Variants in CTNNBL1 observed in about 807,000 individuals in gnomAD.
CTNNBL1 encodes beta-catenin-like protein 1.
A neutral mutation model predicts 72.7 loss-of-function variants in CTNNBL1; 31 were observed. That is an observed-to-expected ratio of 0.43 (90% CI 0.32 to 0.58). CTNNBL1 has a LOEUF of 0.58. Ranked by LOEUF, CTNNBL1 falls within the 20% of genes least tolerant of loss-of-function variation. CTNNBL1 has a pLI of 0.08. For missense variants in CTNNBL1, 534 were observed against 725.1 expected, an observed-to-expected ratio of 0.74 and a Z score of 3.03; for synonymous variants, 240 against 267.3, an observed-to-expected ratio of 0.90 and a Z score of 1.00.
chr20:37,768,532 T>C (rs978629006), intron 7 of CTNNBL1, among the ~76,000 whole-genome samples: 3 of 152,198 alleles, frequency 2.0e-5, no homozygotes, highest in Non-Finnish European at 4.4e-5. Flanking sequence ...ACTGGTAAGT[T>C]TGTAGTGTTA....
intron 11 of CTNNBL1, among the ~76,000 whole-genome samples, chr20:37,807,762 G>A (rs2071972463): frequency 6.6e-6 from 1 of 152,168 alleles, no homozygotes; most frequent in Non-Finnish European, 1.5e-5. Flanking sequence ...GAGGCACTAA[G>A]CTTGTGGGAT....
intron 1 of CTNNBL1, among the ~76,000 whole-genome samples, chr20:37,699,566 A>G (rs908791099): frequency 6.6e-6 from 1 of 152,248 alleles, no homozygotes; most frequent in Non-Finnish European, 1.5e-5. Flanking sequence ...AAGTTGAAGT[A>G]TAGTCCACAT....
In CTNNBL1 at chr20:37,749,724, C is replaced by A. The variant is rs140494078; in HGVS notation, c.466+3117C>A. The A allele has an allele frequency of 1.5e-3, 225 of 152,206 alleles. 1 individual carries two copies. Among genetic ancestry groups the A allele is most frequent in the Middle Eastern group, 6.8e-3 (2 of 294 alleles). 9.4% of individuals were successfully genotyped at this position (152,206 alleles called of 1,614,324 possible). Reference sequence around the variant, plus strand: ...TCATCCTCCTCAAAGTACGATTTTTCTTGAAAGTGATTTCAGGAAAGGGCA... The same window carrying A: ...TCATCCTCCTCAAAGTACGATTTTTATTGAAAGTGATTTCAGGAAAGGGCA... On this transcript the variant is annotated intron_variant, in intron 4 of 15. Coordinates refer to ENST00000361383, the MANE Select transcript of CTNNBL1 (RefSeq NM_030877.5).
At chr20:37,739,242 C>G (rs2073194453) in intron 3 of CTNNBL1, among the ~76,000 whole-genome samples, 1 of 152,092 alleles carries the variant, frequency 6.6e-6, no homozygotes, top group Admixed American at 6.5e-5. Context: ...CTAGAGGAAC[C>G]TTGTGAACAG....
chr20:37,763,211 C>T (rs1002528042), intron 5 of CTNNBL1, among the ~76,000 whole-genome samples: 1 of 152,048 alleles, frequency 6.6e-6, no homozygotes, highest in African/African-American at 2.4e-5. Flanking sequence ...TCATATTTTC[C>T]CCCCAGATGT....
chr20:37,849,368 C>T (rs1215880836), intron 13 of CTNNBL1, among the ~76,000 whole-genome samples: 1 of 152,222 alleles, frequency 6.6e-6, no homozygotes, highest in Non-Finnish European at 1.5e-5. Flanking sequence ...CATGGTGCCT[C>T]GCCCAGTTTG....
intron 15 of CTNNBL1, among the ~76,000 whole-genome samples, chr20:37,862,329 A>G (rs974758088): frequency 1.3e-5 from 2 of 152,146 alleles, no homozygotes; most frequent in African/African-American, 4.8e-5. Flanking sequence ...CCTCAGCTCT[A>G]CTATCTTGCA....
chr20:37,779,473 C>A, intron 10 of CTNNBL1, 138 bp downstream of exon 10: 1 of 898,954 alleles, frequency 1.1e-6, no homozygotes, highest in Non-Finnish European at 1.7e-6. Flanking sequence ...AGTCTTCAGG[C>A]ATGGGGGGAT....
intron 11 of CTNNBL1, among the ~76,000 whole-genome samples, chr20:37,815,081 G>GTGTA (rs1424694472): frequency 1.3e-5 from 2 of 150,864 alleles, no homozygotes; most frequent in Admixed American, 6.6e-5. Flanking sequence ...CTGTGAGTGT[G>GTGTA]TGTGTGTGTG....
chr20:37,824,451 G>A (rs958608678), intron 11 of CTNNBL1, among the ~76,000 whole-genome samples: 1 of 152,174 alleles, frequency 6.6e-6, no homozygotes, highest in Admixed American at 6.5e-5. Context: ...TTTGCTTGGG[G>A]TAAACGCCTG....
intron 11 of CTNNBL1, among the ~76,000 whole-genome samples, chr20:37,836,386 C>T (rs138792335): frequency 6.6e-6 from 1 of 152,164 alleles, no homozygotes; most frequent in African/African-American, 2.4e-5. Flanking sequence ...CCTCACTGGC[C>T]TCCCCTCTCC....
chr20:37,837,414 G>C (rs1486218136), intron 11 of CTNNBL1, among the ~76,000 whole-genome samples: 1 of 152,126 alleles, frequency 6.6e-6, no homozygotes, highest in African/African-American at 2.4e-5. Context: ...GGGGTCTTGA[G>C]AAGGTATATA....
Position 37,870,638 on chromosome 20 carries a change from C to T in CTNNBL1, c.1604-1287C>T, listed in dbSNP as rs148990448. Among the ~76,000 whole-genome samples the T allele has an allele frequency of 3.5e-3, 527 of 152,344 alleles. 1 individual carries two copies. The highest frequency in any genetic ancestry group is 5.9e-3 in the Non-Finnish European group (402 of 68,024). On this transcript the variant is annotated intron_variant, in intron 15 of 15. Coordinates refer to ENST00000361383, the MANE Select transcript of CTNNBL1 (RefSeq NM_030877.5). ...CCAGGCCACTGTCACGTCGCATCTCCTTTCCCTGCCTTTGCTTCCCCCATG... is the reference window on the plus strand; with the variant it reads ...CCAGGCCACTGTCACGTCGCATCTCTTTTCCCTGCCTTTGCTTCCCCCATG...
intron 13 of CTNNBL1, among the ~76,000 whole-genome samples, chr20:37,858,792 G>T (rs1159496092): frequency 6.6e-6 from 1 of 152,152 alleles, no homozygotes; most frequent in East Asian, 1.9e-4. Context: ...GCAAGTCTGA[G>T]AGGTCTAGGG....
At chr20:37,820,932 A>G (rs2072101840) in intron 11 of CTNNBL1, among the ~76,000 whole-genome samples, 1 of 152,188 alleles carries the variant, frequency 6.6e-6, no homozygotes, top group African/African-American at 2.4e-5. Flanking sequence ...GGTCTTCTTA[A>G]TACAGATCTA....
chr20:37,750,157 A>G (rs905498607), intron 4 of CTNNBL1: 2 of 152,144 alleles, frequency 1.3e-5, no homozygotes, highest in Admixed American at 1.3e-4. Flanking sequence ...CATCCTTTCA[A>G]CCGTGAGAAG....
intron 7 of CTNNBL1, 120 bp from the exon 8 acceptor site, chr20:37,777,225 C>G: frequency 1.3e-6 from 1 of 769,396 alleles, no homozygotes. Flanking sequence ...CCTTAACTGC[C>G]TTTTCCTTTT....
intron 11 of CTNNBL1, among the ~76,000 whole-genome samples, chr20:37,822,277 A>G (rs2072114854): frequency 6.6e-6 from 1 of 150,974 alleles, no homozygotes; most frequent in Admixed American, 6.6e-5. Flanking sequence ...GGCCAGGCTG[A>G]GGGGAGTTAT....
intron 5 of CTNNBL1, 72 bp downstream of exon 5, chr20:37,757,728 A>C: frequency 1.8e-6 from 2 of 1,122,706 alleles, no homozygotes; most frequent in Non-Finnish European, 2.7e-6. Flanking sequence ...ATCGTCTCGG[A>C]GAGTGGCCAC....
Sources: allele counts gnomAD v4.1 joint callset (sites outside exome capture counted in the v4.1 genomes callset), GRCh38; gene constraint gnomAD v4.1.1; transcripts MANE v1.5; gene names NCBI Gene and HGNC (gene_info 2026-07-23, HGNC 2026-07-21).